RBKS: variants seen among roughly 807,000 people sequenced by gnomAD.
The protein encoded by RBKS is ribokinase.
A neutral mutation model predicts 33.9 loss-of-function variants in RBKS; 33 were observed. The ratio of observed to expected loss-of-function variants is 0.97; its 90% confidence interval spans 0.74 to 1.30. The LOEUF is 1.30. Ranked by LOEUF, RBKS falls within the 50% of genes most tolerant of loss-of-function variation. The pLI is 0.00. For missense variants in RBKS, 361 were observed against 392.6 expected (o/e 0.92, Z 0.68); for synonymous variants, 125 against 143.0 (o/e 0.87, Z 0.90).
intron 7 of RBKS, chr2:27,809,924 G>A: frequency 2.3e-6 from 3 of 1,300,318 alleles, no homozygotes; most frequent in Non-Finnish European, 2.0e-6. Context: ...ATTTTTGCTC[G>A]AGCTGTTAGG....
intron 7 of RBKS, among the ~76,000 whole-genome samples, chr2:27,802,733 T>A (rs1677823537): frequency 6.6e-6 from 1 of 152,114 alleles, no homozygotes; most frequent in African/African-American, 2.4e-5. Flanking sequence ...CCAGTTCCTC[T>A]CCTGTTTACC....
At chr2:27,871,282 C>A (rs751792909) in intron 1 of RBKS, among the ~76,000 whole-genome samples, 2 of 152,060 alleles carry the variant, frequency 1.3e-5, no homozygotes, top group African/African-American at 2.4e-5. Flanking sequence ...AACAAACAAA[C>A]AAAAAAACCC....
chr2:27,824,641 C>A (rs954219179), intron 7 of RBKS, among the ~76,000 whole-genome samples: 1 of 152,182 alleles, frequency 6.6e-6, no homozygotes, highest in Non-Finnish European at 1.5e-5. Context: ...ACACTGGGTT[C>A]TTTCCAATTT....
Position 27,843,121 on chromosome 2 carries a change from C to G in RBKS, c.460G>C (p.Glu154Gln). Reference protein sequence around the residue: ...SRAKVMVCQLEITPATSLEAL... With the variant: ...SRAKVMVCQLQITPATSLEAL... ...TCCAAAGAAGTTGCTGGAGTTATTT[C>G]GAGCTGGCAGACCATGACTTTGGCT... The change falls in exon 5 of 8, where the codon GAA becomes CAA. Residue 154 changes from glutamate (E) to glutamine (Q), a missense_variant. Glu to Gln is a conservative substitution (Grantham distance 29). Coordinates refer to ENST00000302188, the MANE Select transcript of RBKS (RefSeq NM_022128.3). 6.2e-7 allele frequency: 1 copy of G among 1,610,884 alleles called. No homozygotes were observed. The highest frequency in any genetic ancestry group is 1.1e-5 in the South Asian group (1 of 90,494).
rs1484614312 is a variant in RBKS at position 27,795,584 on chromosome 2, T to C, written c.796-13796A>G. 6.6e-6 allele frequency among the ~76,000 whole-genome samples: 1 copy of C among 151,998 alleles called. No homozygotes were observed. Among genetic ancestry groups the C allele is most frequent in the Non-Finnish European group, 1.5e-5 (1 of 67,998 alleles). ...CCTCATTTCATCTTCACACTGACCC[T>C]GCACTCCCCCGCCACTGAAACTTGA... On this transcript the variant is annotated intron_variant, in intron 7 of 7. Transcript: ENST00000302188. The surrounding 1 kb of genome is among the most constrained non-coding windows in gnomAD (Gnocchi z 4.1).
intron 7 of RBKS, among the ~76,000 whole-genome samples, chr2:27,826,829 C>A (rs1678322317): frequency 6.6e-6 from 1 of 152,096 alleles, no homozygotes; most frequent in Non-Finnish European, 1.5e-5. Flanking sequence ...GTTCACTTAG[C>A]ACACTTGTCC....
intron 7 of RBKS, among the ~76,000 whole-genome samples, chr2:27,794,717 G>C (rs907874123): frequency 6.7e-6 from 1 of 149,240 alleles, no homozygotes; most frequent in Non-Finnish European, 1.5e-5. Context: ...TCTGCCTCCC[G>C]GGTTCAAGCA....
At chr2:27,798,668 C>T (rs920971462) in intron 7 of RBKS, among the ~76,000 whole-genome samples, 37 of 151,910 alleles carry the variant, frequency 2.4e-4, no homozygotes, top group African/African-American at 5.3e-4. Flanking sequence ...ACGTGGCCCC[C>T]GTGGCATCAA....
chr2:27,806,819 G>T (rs988712373), intron 7 of RBKS, among the ~76,000 whole-genome samples: 1 of 152,154 alleles, frequency 6.6e-6, no homozygotes, highest in African/African-American at 2.4e-5. Flanking sequence ...TTAAAACACC[G>T]ACTGCTGGGC....
At chr2:27,867,327 G>A (rs939376432) in intron 1 of RBKS, among the ~76,000 whole-genome samples, 9 of 152,064 alleles carry the variant, frequency 5.9e-5, no homozygotes, top group Non-Finnish European at 1.2e-4. Flanking sequence ...ATAGAAAGTT[G>A]AGAAGACAGA....
intron 5 of RBKS, among the ~76,000 whole-genome samples, chr2:27,842,175 C>T (rs1036991452): frequency 1.1e-4 from 17 of 152,148 alleles, no homozygotes; most frequent in Admixed American, 9.2e-4. Flanking sequence ...GCTTTCCCCA[C>T]TAGTCAGTGG....
At chr2:27,860,432 C>A (rs969592041) in intron 1 of RBKS, among the ~76,000 whole-genome samples, 1 of 152,180 alleles carries the variant, frequency 6.6e-6, no homozygotes, top group Non-Finnish European at 1.5e-5. Flanking sequence ...TGGCTAAAAA[C>A]AGGCCAAATA....
At chr2:27,847,715 T>C (rs1217540427) in intron 3 of RBKS, among the ~76,000 whole-genome samples, 2 of 152,264 alleles carry the variant, frequency 1.3e-5, no homozygotes, top group Non-Finnish European at 2.9e-5. Flanking sequence ...TTTCAGCCTG[T>C]ATGGCTTCTA....
In RBKS at chr2:27,810,212, A is replaced by C. The variant is rs1156300643; in HGVS notation, c.795+17355T>G. ...ATACTGGCTGATTTGTCACTTTATC[A>C]GGGAAGGATGCATAGTTACGTGAAG... On this transcript the variant is annotated intron_variant, in intron 7 of 7. Transcript: ENST00000302188. This position sits in a 1 kb window ranked among gnomAD's most constrained non-coding sequence, Gnocchi z 4.4. 2.0e-5 allele frequency among the ~76,000 whole-genome samples: 3 copies of C among 152,192 alleles called. No individual in the cohort carries two copies. Among genetic ancestry groups the C allele is most frequent in the African/African-American group, 7.2e-5 (3 of 41,436 alleles).
intron 7 of RBKS, among the ~76,000 whole-genome samples, chr2:27,817,775 G>T (rs1678126816): frequency 6.6e-6 from 1 of 152,128 alleles, no homozygotes; most frequent in Non-Finnish European, 1.5e-5. Context: ...TCACAAGTAG[G>T]CCCATCTTCC....
At chr2:27,886,450 C>T (rs1664529610) in intron 1 of RBKS, among the ~76,000 whole-genome samples, 1 of 152,110 alleles carries the variant, frequency 6.6e-6, no homozygotes, top group Admixed American at 6.5e-5. Context: ...AATTATAAAT[C>T]CTTAGTTGTT....
chr2:27,822,409 A>G (rs1054587398), intron 7 of RBKS, among the ~76,000 whole-genome samples: 4 of 152,180 alleles, frequency 2.6e-5, no homozygotes, highest in Non-Finnish European at 5.9e-5. Context: ...GTTTTCAAAG[A>G]TTGAACTGTC....
intron 1 of RBKS, among the ~76,000 whole-genome samples, chr2:27,887,674 A>AT (rs1296708466): frequency 6.6e-6 from 1 of 151,642 alleles, no homozygotes; most frequent in Admixed American, 6.6e-5. Flanking sequence ...TTTACTGATG[A>AT]TTTTACTAAT....
intron 6 of RBKS, among the ~76,000 whole-genome samples, chr2:27,830,362 T>G (rs972396890): frequency 6.6e-6 from 1 of 151,810 alleles, no homozygotes; most frequent in Non-Finnish European, 1.5e-5. Flanking sequence ...CAGGTCCTGG[T>G]TCAAGCAATT....
Sources: gnomAD v4.1 joint callset for allele counts (sites outside exome capture counted in the v4.1 genomes callset) on GRCh38, gnomAD v4.1.1 for gene constraint, Gnocchi (gnomAD v3.1) non-coding constraint, MANE v1.5 for transcripts, NCBI Gene and HGNC (gene_info 2026-07-23, HGNC 2026-07-21) for gene names.